The following HIVEP3 variants were observed in gnomAD, a reference collection of about 807,000 sequenced individuals.
The protein encoded by HIVEP3 is transcription factor HIVEP3.
In HIVEP3, 49 loss-of-function variants were observed where a neutral mutation model predicts 152.8. The ratio of observed to expected loss-of-function variants is 0.32; its 90% CI spans 0.26 to 0.41. HIVEP3 has a LOEUF of 0.41. Ranked by LOEUF, HIVEP3 falls within the 10% of genes least tolerant of loss-of-function variation. HIVEP3 has a pLI of 1.00. For missense variants in HIVEP3, 2,790 were observed against 3,103.3 expected, an observed-to-expected ratio of 0.90 and a Z score of 2.40; for synonymous variants, 1,269 against 1,289.0, an observed-to-expected ratio of 0.98 and a Z score of 0.33.
chr1:41,959,784 C>T (rs1645159559), intron 1 of HIVEP3, among the ~76,000 whole-genome samples: 1 of 152,120 alleles, frequency 6.6e-6, no homozygotes, highest in Admixed American at 6.5e-5. Context: ...CCTTATGCTC[C>T]ACGGGGCTAG....
chr1:41,831,701 C>A (rs1642969726), intron 1 of HIVEP3, among the ~76,000 whole-genome samples: 1 of 152,152 alleles, frequency 6.6e-6, no homozygotes, highest in African/African-American at 2.4e-5. Context: ...TCTCAAGTCC[C>A]ACGAGGTAAT....
chr1:41,991,162 T>C (rs1048775703), intron 1 of HIVEP3, among the ~76,000 whole-genome samples: 3 of 151,354 alleles, frequency 2.0e-5, no homozygotes, highest in Non-Finnish European at 4.4e-5. Context: ...AGAGCAGAAC[T>C]GAAGGAAACA....
At chr1:41,550,070 T>A (rs1643878714) in intron 5 of HIVEP3, among the ~76,000 whole-genome samples, 1 of 152,356 alleles carries the variant, frequency 6.6e-6, no homozygotes, top group South Asian at 2.1e-4. Flanking sequence ...AAGGAAGGGA[T>A]CCAGTTTCAG....
intron 1 of HIVEP3, among the ~76,000 whole-genome samples, chr1:42,015,251 C>A (rs1645515271): frequency 6.6e-6 from 1 of 152,220 alleles, no homozygotes; most frequent in Admixed American, 6.5e-5. Flanking sequence ...CTCTAATCAT[C>A]TTAATTTATA....
rs1454326473 is a variant in HIVEP3 at position 41,797,505 on chromosome 1, A to T, written c.-800-96510T>A. Among the ~76,000 whole-genome samples, 5 of 152,138 alleles carry T rather than the reference A, an allele frequency of 3.3e-5. No individual in the cohort carries two copies. The East Asian group carries it at 9.6e-4, about 29-fold the overall frequency. On this transcript the variant is annotated intron_variant, in intron 1 of 8. Transcript: ENST00000372583. ...GCTTTTAAATTACATGCTTCTTCTT[A>T]TTTAAAAAAAAATGATGGAGAATTT...
intron 1 of HIVEP3, among the ~76,000 whole-genome samples, chr1:42,019,582 T>A (rs1049098278): frequency 5.3e-5 from 8 of 151,994 alleles, no homozygotes; most frequent in African/African-American, 1.9e-4. Flanking sequence ...TATATTGACC[T>A]GGTATCCAGT....
At chr1:41,745,884 G>C (rs1647064519) in intron 1 of HIVEP3, among the ~76,000 whole-genome samples, 1 of 152,226 alleles carries the variant, frequency 6.6e-6, no homozygotes, top group Admixed American at 6.5e-5. Context: ...TTCAGGGCCT[G>C]TCAGTGAATC....
chr1:41,799,182 ACTAGGTT>A (rs1285059086), intron 1 of HIVEP3, among the ~76,000 whole-genome samples: 10 of 152,202 alleles, frequency 6.6e-5, no homozygotes, highest in South Asian at 2.1e-4. Flanking sequence ...CTCTCAGGCC[ACTAGGTT>A]CTAGGAACTC....
rs753665461 is a variant in HIVEP3 at position 41,583,515 on chromosome 1, C to T, written c.1283G>A (p.Arg428Gln). The change falls in exon 4 of 9, where the codon CGG becomes CAG. Residue 428 changes from arginine (R) to glutamine (Q), a missense_variant. Physicochemically the swap from Arg to Gln is conservative, Grantham distance 43. Transcript: ENST00000372583. This position sits in a 1 kb window ranked among gnomAD's most constrained non-coding sequence, Gnocchi z 6.9. Reference protein sequence around the residue: ...IFGKCGRIGQRTAMLTATSTQ... With the variant: ...IFGKCGRIGQQTAMLTATSTQ... ...GGAGGTGGCTGTCAGCATGGCGGTCCGCTGTCCTATTCGCCCACACTTGCC... is the reference window on the plus strand; with the variant it reads ...GGAGGTGGCTGTCAGCATGGCGGTCTGCTGTCCTATTCGCCCACACTTGCC... 3 of 1,613,988 alleles carry T rather than the reference C, an allele frequency of 1.9e-6. No homozygotes were observed. The highest frequency in any genetic ancestry group is 2.5e-6 in the Non-Finnish European group (3 of 1,179,978).
intron 1 of HIVEP3, among the ~76,000 whole-genome samples, chr1:41,972,343 A>G (rs1434801337): frequency 6.6e-6 from 1 of 152,218 alleles, no homozygotes; most frequent in African/African-American, 2.4e-5. Context: ...GTGGTCTTCC[A>G]GGGTCCAGGA....
At chr1:41,973,382 A>C (rs1010371669) in intron 1 of HIVEP3, among the ~76,000 whole-genome samples, 2 of 152,142 alleles carry the variant, frequency 1.3e-5, no homozygotes, top group African/African-American at 4.8e-5. Flanking sequence ...CAGTCATCTC[A>C]AGATTTGATT....
intron 2 of HIVEP3, among the ~76,000 whole-genome samples, chr1:41,676,376 G>C (rs754875627): frequency 6.6e-6 from 1 of 152,150 alleles, no homozygotes; most frequent in Non-Finnish European, 1.5e-5. Context: ...CACTCCCTGA[G>C]GCCTGGGTGA....
chr1:41,879,638 C>T (rs546982935), intron 1 of HIVEP3, among the ~76,000 whole-genome samples: 2 of 152,326 alleles, frequency 1.3e-5, no homozygotes, highest in South Asian at 4.1e-4. Context: ...CCAGCCAATA[C>T]CCTGCTTCTC....
chr1:41,716,086 A>C (rs537750379), intron 1 of HIVEP3, among the ~76,000 whole-genome samples: 1 of 152,246 alleles, frequency 6.6e-6, no homozygotes, highest in Non-Finnish European at 1.5e-5. Context: ...GGAAAGCAGC[A>C]AAGGCCGGGC....
At chr1:41,602,305 T>A (rs904174243) in intron 3 of HIVEP3, among the ~76,000 whole-genome samples, 2 of 152,184 alleles carry the variant, frequency 1.3e-5, no homozygotes, top group African/African-American at 4.8e-5. Flanking sequence ...TTTTGGAAGA[T>A]TTTCAGAAGG....
At chr1:41,983,209 C>T (rs1278101475) in intron 1 of HIVEP3, among the ~76,000 whole-genome samples, 2 of 152,116 alleles carry the variant, frequency 1.3e-5, no homozygotes, top group African/African-American at 4.8e-5. Flanking sequence ...AGACCCCTGC[C>T]CTAGAGGAAG....
chr1:41,590,207 C>T (rs1354498271), intron 3 of HIVEP3, among the ~76,000 whole-genome samples: 1 of 152,216 alleles, frequency 6.6e-6, no homozygotes, highest in Non-Finnish European at 1.5e-5. Flanking sequence ...CAAAGAGTCA[C>T]AGAAGGATGT....
At chr1:41,904,995 G>A (rs2124458287) in intron 1 of HIVEP3, among the ~76,000 whole-genome samples, 1 of 152,296 alleles carries the variant, frequency 6.6e-6, no homozygotes. Flanking sequence ...AAATATTTCT[G>A]AACCTGTGGT....
chr1:41,762,247 G>T (rs955872331), intron 1 of HIVEP3, among the ~76,000 whole-genome samples: 1 of 152,136 alleles, frequency 6.6e-6, no homozygotes, highest in Non-Finnish European at 1.5e-5. Context: ...GAGCTATTTT[G>T]TAGCTTAATA....
Sources: gnomAD v4.1 joint callset for allele counts (sites outside exome capture counted in the v4.1 genomes callset) on GRCh38, gnomAD v4.1.1 for gene constraint, Gnocchi (gnomAD v3.1) non-coding constraint, MANE v1.5 for transcripts, NCBI Gene and HGNC (gene_info 2026-07-23, HGNC 2026-07-21) for gene names.